Variants in PCDHA2 observed in about 807,000 individuals in gnomAD.
The protein encoded by PCDHA2 is protocadherin alpha 2.
A neutral mutation model predicts 66.0 loss-of-function variants in PCDHA2; 58 were observed. The ratio of observed to expected loss-of-function variants is 0.88; its 90% confidence interval spans 0.71 to 1.09. The LOEUF (loss-of-function observed/expected upper bound fraction) is 1.09, where lower values mean the gene tolerates loss of function less well. Ranked by LOEUF, PCDHA2 falls within the 50% of genes least tolerant of loss-of-function variation. The probability of loss-of-function intolerance (pLI) is 0.00; values close to 1 mark genes in which losing one functional copy is unlikely to be tolerated. For missense variants in PCDHA2, 1,267 were observed against 1,242.3 expected (o/e 1.02, Z -0.30); for synonymous variants, 634 against 554.0 (o/e 1.14, Z -2.03).
intron 1 of PCDHA2, chr5:140,864,760 T>C (rs1282604676): frequency 6.6e-6 from 1 of 152,230 alleles, no homozygotes; most frequent in Non-Finnish European, 1.5e-5. Flanking sequence ...TCATTTTTCT[T>C]TCATTTTTGG....
At chr5:140,856,609 A>G in intron 1 of PCDHA2, 1 of 1,598,102 alleles carries the variant, frequency 6.3e-7, no homozygotes, top group Non-Finnish European at 8.6e-7. Context: ...AAAAAGACAA[A>G]GACAAATTCC....
chr5:140,876,554 A>G (rs2056417075), intron 1 of PCDHA2: 1 of 1,614,052 alleles, frequency 6.2e-7, no homozygotes, highest in South Asian at 1.1e-5. Flanking sequence ...CCTGTGCAAG[A>G]GGATGCTCAG....
At chr5:140,960,446 T>C (rs1563310715) in intron 1 of PCDHA2, among the ~76,000 whole-genome samples, 2 of 152,204 alleles carry the variant, frequency 1.3e-5, no homozygotes, top group African/African-American at 4.8e-5. Context: ...GATATATGTA[T>C]GGATAATTTT....
rs782117441 is a variant in PCDHA2, at chr5:140,795,122, G to T, written c.158G>T (p.Gly53Val). Residue 53 changes from glycine (G) to valine (V), a missense_variant, in exon 1 of 4, where the codon GGG becomes GTG. Physicochemically the swap from Gly to Val is moderately radical, Grantham distance 109 (BLOSUM62 -3). Coordinates refer to ENST00000526136, the MANE Select transcript of PCDHA2 (RefSeq NM_018905.3). ...GTGGGCCGCATCGCGCAGGACCTGG[G>T]GCTGGAGCTGGAGGAGCTGGTGCCG... ...TFVGRIAQDL[G>V]LELEELVPRL... 1.2e-6 allele frequency: 2 copies of T among 1,614,044 alleles called. No homozygotes were observed. Among genetic ancestry groups the T allele is most frequent in the Non-Finnish European group, 1.7e-6 (2 of 1,180,036 alleles).
intron 1 of PCDHA2, among the ~76,000 whole-genome samples, chr5:140,837,714 C>G (rs1488550571): frequency 1.3e-5 from 2 of 151,510 alleles, no homozygotes; most frequent in African/African-American, 2.4e-5. Flanking sequence ...CACTCCATCA[C>G]CCAGGCTGCT....
Position 140,938,565 on chromosome 5 carries a change from A to G in PCDHA2, c.2389-40384A>G, listed in dbSNP as rs1347602327. Among the ~76,000 whole-genome samples the G allele has an allele frequency of 2.0e-5, 3 of 151,630 alleles. No individual in the cohort carries two copies. The East Asian group carries it at 5.8e-4, about 29-fold the overall frequency. On this transcript the variant is annotated intron_variant, in intron 1 of 3. Coordinates refer to ENST00000526136, the MANE Select transcript of PCDHA2 (RefSeq NM_018905.3). ...TTTTATCCTTTTATTAATAGCATGC[A>G]TTATATTGGTTGATTTGTTAATGAT...
chr5:140,801,624 TCCG>T (rs782603795), intron 1 of PCDHA2: 1 of 1,613,968 alleles, frequency 6.2e-7, no homozygotes, highest in Non-Finnish European at 8.5e-7. Context: ...TCTGTTTATT[TCCG>T]AATCCCGACA....
chr5:140,959,491 G>A (rs761208761), intron 1 of PCDHA2, among the ~76,000 whole-genome samples: 6 of 151,956 alleles, frequency 3.9e-5, no homozygotes, highest in Non-Finnish European at 7.4e-5. Context: ...TGTTATATAT[G>A]GATCAAACTA....
intron 1 of PCDHA2, chr5:140,967,251 C>T: frequency 6.2e-7 from 1 of 1,613,408 alleles, no homozygotes; most frequent in Non-Finnish European, 8.5e-7. Context: ...GAATCGGTGG[C>T]GCCTGGAGCG....
At chr5:140,882,811 C>T in intron 1 of PCDHA2, 2 of 1,614,192 alleles carry the variant, frequency 1.2e-6, no homozygotes, top group Non-Finnish European at 8.5e-7. Flanking sequence ...TCACTTTGGA[C>T]GCACAAAACA....
At chr5:140,858,063 G>T in intron 1 of PCDHA2, 1 of 1,597,700 alleles carries the variant, frequency 6.3e-7, no homozygotes, top group Non-Finnish European at 8.6e-7. Flanking sequence ...GTGGAGGGCA[G>T]CCAGGCACCC....
At chr5:140,803,281 A>T in intron 1 of PCDHA2, 1 of 1,614,042 alleles carries the variant, frequency 6.2e-7, no homozygotes, top group Non-Finnish European at 8.5e-7. Context: ...GCACTGGTGG[A>T]TGTCAACGTG....
rs560404461 is a variant in PCDHA2, at chr5:140,857,491, G to T, written c.2388+60139G>T. The T allele has an allele frequency of 3.1e-5, 49 of 1,598,340 alleles. 2 individuals are homozygous for T. The highest frequency in any genetic ancestry group is 2.8e-4 in the South Asian group (25 of 90,546). On this transcript the variant is annotated intron_variant, in intron 1 of 3. Transcript: ENST00000526136. Reference sequence around the variant, plus strand: ...TCTTCACGGTGTCTGCGTGGGACGCGGACGCGCAGGAGAACGCCCTGGTGT... The same window carrying T: ...TCTTCACGGTGTCTGCGTGGGACGCTGACGCGCAGGAGAACGCCCTGGTGT...
In PCDHA2 at chr5:140,796,721, G is replaced by A. The variant is rs782166727; in HGVS notation, c.1757G>A (p.Gly586Asp). Reference protein sequence around the residue: ...AVSELVPWSVGAGHVVAKVRA... With the variant: ...AVSELVPWSVDAGHVVAKVRA... ...AGTGAGCTGGTGCCGTGGTCGGTGGGTGCAGGGCACGTGGTGGCGAAGGTG... is the reference window on the plus strand; with the variant it reads ...AGTGAGCTGGTGCCGTGGTCGGTGGATGCAGGGCACGTGGTGGCGAAGGTG... Residue 586 changes from glycine (G) to aspartate (D), a missense_variant, in exon 1 of 4, where the codon GGT (glycine) becomes GAT (aspartate). Coordinates refer to ENST00000526136, the MANE Select transcript of PCDHA2 (RefSeq NM_018905.3). The A allele has an allele frequency of 2.5e-6, 4 of 1,614,070 alleles. No homozygotes were observed. Among genetic ancestry groups the A allele is most frequent in the Non-Finnish European group, 3.4e-6 (4 of 1,179,942 alleles).
At chr5:140,996,308 A>G (rs997099218) in intron 3 of PCDHA2, among the ~76,000 whole-genome samples, 4 of 152,240 alleles carry the variant, frequency 2.6e-5, no homozygotes, top group African/African-American at 9.6e-5. Flanking sequence ...GTAACAAAGT[A>G]AGGGGGGAGG....
At chr5:140,827,272 C>T (rs868912069) in intron 1 of PCDHA2, among the ~76,000 whole-genome samples, 1 of 152,146 alleles carries the variant, frequency 6.6e-6, no homozygotes, top group African/African-American at 2.4e-5. Context: ...CATTTAGGAA[C>T]AGCTGAAGAA....
intron 1 of PCDHA2, chr5:140,808,158 A>G: frequency 6.2e-7 from 1 of 1,614,220 alleles, no homozygotes; most frequent in Non-Finnish European, 8.5e-7. Context: ...GAGGGCATTG[A>G]TAAGGGACAG....
At chr5:140,848,733 C>A (rs1554142396) in intron 1 of PCDHA2, 2 of 1,592,812 alleles carry the variant, frequency 1.3e-6, no homozygotes, top group South Asian at 2.2e-5. Flanking sequence ...GGTAAATCTG[C>A]AGAATGGCAT....
Position 140,856,234 on chromosome 5 carries a change from G to A in PCDHA2, c.2388+58882G>A. On this transcript the variant is annotated intron_variant, in intron 1 of 3. Transcript: ENST00000526136. ...AGCTGGCGGAGCTGGTGCAGCGCCT[G>A]TTCCGGGTGGCGTCCAAAAGACACG... 3 of 1,598,040 alleles carry A rather than the reference G, an allele frequency of 1.9e-6. 1 individual carries two copies. Among genetic ancestry groups the A allele is most frequent in the Non-Finnish European group, 2.6e-6 (3 of 1,167,878 alleles).
Sources: gnomAD v4.1 joint callset for allele counts (sites outside exome capture counted in the v4.1 genomes callset) on GRCh38, gnomAD v4.1.1 for gene constraint, MANE v1.5 for transcripts, NCBI Gene and HGNC (gene_info 2026-07-23, HGNC 2026-07-21) for gene names.